SHOX: variants seen among roughly 807,000 people sequenced by gnomAD.
SHOX encodes the protein SHOX homeobox, also known as short stature homeobox protein.
Under a neutral mutation model 29.6 loss-of-function variants are expected in SHOX, and 12 were observed. That is an observed-to-expected ratio of 0.41 (90% CI 0.26 to 0.66). The LOEUF is 0.66. Ranked by LOEUF, SHOX falls within the 30% of genes least tolerant of loss-of-function variation. The pLI, the probability that SHOX is intolerant of heterozygous loss-of-function variation, is 0.35. For synonymous variants in SHOX, 214 were observed against 200.6 expected, an observed-to-expected ratio of 1.07 and a Z score of -0.57; for missense variants, 499 against 437.7, an observed-to-expected ratio of 1.14 and a Z score of -1.25.
intron 2 of SHOX, among the ~76,000 whole-genome samples, chrX:639,241 GA>G (rs1249224978): frequency 9.9e-5 from 15 of 152,224 alleles, no homozygotes; most frequent in East Asian, 7.7e-4. Flanking sequence ...GAAGTCCTTA[GA>G]GGGGCAGAAT....
intron 2 of SHOX, among the ~76,000 whole-genome samples, chrX:635,509 C>A (rs904837815): frequency 6.6e-6 from 1 of 152,136 alleles, no homozygotes; most frequent in African/African-American, 2.4e-5. Flanking sequence ...ACAAACCACC[C>A]CCTCCTCCCT....
intron 4 of SHOX, among the ~76,000 whole-genome samples, chrX:643,221 C>T (rs1289150109): frequency 2.8e-5 from 3 of 108,370 alleles, no homozygotes; most frequent in Admixed American, 1.1e-4. Context: ...GAGGCTTGGA[C>T]ACCTGGTGTC....
chrX:628,433 G>C (rs1347785875), upstream of SHOX, among the ~76,000 whole-genome samples: 11 of 75,642 alleles, frequency 1.5e-4, no homozygotes, highest in East Asian at 3.5e-4. Context: ...CTCTCTCCCT[G>C]TCTGTGTCTC....
intron 1 of SHOX, chrX:624,729 C>CTTTCTTTCTTTCT (rs2052474950): frequency 2.2e-5 from 3 of 136,546 alleles, no homozygotes; most frequent in Middle Eastern, 7.5e-3. Context: ...TTCTTTCTTT[C>CTTTCTTTCTTTCT]TTTCTTTCTT....
chrX:636,341 T>TATAAAC (rs1556463148), intron 2 of SHOX, among the ~76,000 whole-genome samples: 12 of 132,286 alleles, frequency 9.1e-5, no homozygotes, highest in Middle Eastern at 3.9e-3. Flanking sequence ...CATATAAACA[T>TATAAAC]ATATAAATAT....
Position 641,634 on chromosome X carries a change from C to T in SHOX, c.633+547C>T, listed in dbSNP as rs192329586. 3.3e-4 allele frequency among the ~76,000 whole-genome samples: 49 copies of T among 148,682 alleles called. No individual in the cohort carries two copies. The East Asian group carries it at 9.5e-3, about 29-fold the overall frequency. ...GGTGGAGGTTGCCGTGAGCCAATAT[C>T]GCGCCACTGCACTCCACTCTGGGTG... On this transcript the variant is annotated intron_variant, in intron 4 of 4. Transcript: ENST00000686671.
At chrX:629,877 C>G (rs1164601317), upstream of SHOX, among the ~76,000 whole-genome samples, 1 of 152,202 alleles carries the variant, frequency 6.6e-6, no homozygotes, top group Admixed American at 6.5e-5. Flanking sequence ...CATTCAATAG[C>G]GAGAGGCGGG....
At chrX:632,820 C>T (rs1277604831) in intron 1 of SHOX, among the ~76,000 whole-genome samples, 2 of 152,176 alleles carry the variant, frequency 1.3e-5, no homozygotes, top group Non-Finnish European at 2.9e-5. Context: ...TTCCTGGACG[C>T]AAGGCTGGGA....
upstream of SHOX, among the ~76,000 whole-genome samples, chrX:625,898 T>TC (rs2052523469): frequency 1.4e-5 from 2 of 144,500 alleles, no homozygotes; most frequent in East Asian, 2.1e-4. Context: ...CCTCTCTCTC[T>TC]TTCTCTGTCT....
At chrX:625,468 GTCTC>G (rs1008886823) in intron 1 of SHOX, among the ~76,000 whole-genome samples, 16 of 151,760 alleles carry the variant, frequency 1.1e-4, no homozygotes, top group Admixed American at 3.9e-4. Context: ...CTCTCTCGCT[GTCTC>G]TCTCTGTCTG....
At chrX:655,568 G>GTCTCTCTC (rs1228178183), downstream of SHOX, among the ~76,000 whole-genome samples, 4 of 87,854 alleles carry the variant, frequency 4.6e-5, no homozygotes, top group African/African-American at 1.8e-4. Context: ...CTCTCTCTCT[G>GTCTCTCTC]TCTCTCTCTC....
At chrX:652,340 AT>A (rs746162755), downstream of SHOX, among the ~76,000 whole-genome samples, 280 of 135,138 alleles carry the variant, frequency 2.1e-3, 2 homozygotes, top group South Asian at 0.015. Flanking sequence ...AAAATGACAA[AT>A]TTTTTTTTTT....
chrX:654,709 A>G (rs2053113377), downstream of SHOX, among the ~76,000 whole-genome samples: 1 of 152,136 alleles, frequency 6.6e-6, no homozygotes, highest in African/African-American at 2.4e-5. Context: ...TTTTTGAGAC[A>G]GAGTCTCGCT....
downstream of SHOX, among the ~76,000 whole-genome samples, chrX:652,485 A>G (rs2053081514): frequency 6.6e-6 from 1 of 151,696 alleles, no homozygotes; most frequent in Admixed American, 6.6e-5. Flanking sequence ...ACAGCTGCCC[A>G]CACAGGGTTC....
chrX:651,754 G>A (rs1192909091), downstream of SHOX, among the ~76,000 whole-genome samples: 1 of 151,088 alleles, frequency 6.6e-6, no homozygotes, highest in Non-Finnish European at 1.5e-5. Context: ...GCCTTAGATC[G>A]GGAGGTACCA....
In SHOX at chrX:644,510, G is replaced by T; in HGVS notation, c.753G>T (p.Ala251=). ...CGCCGCCCTTCGGGCTGCCCATCGC[G>T]TCGCTGGCCGAGTCCGCCTCGGCCG... The part of the protein sequence containing the change: ...FPPPPFGLPI[A]SLAESASAAA... The change falls in exon 5 of 5, where the codon GCG becomes GCT. Residue 251 remains alanine (A), a synonymous_variant. Transcript: ENST00000686671. 1.3e-6 allele frequency: 2 copies of T among 1,520,156 alleles called. No homozygotes were observed. The highest frequency in any genetic ancestry group is 1.8e-6 in the Non-Finnish European group (2 of 1,140,746). 94.2% of individuals were successfully genotyped at this position (1,520,156 alleles called of 1,614,324 possible).
At chrX:634,895 G>C in intron 2 of SHOX, 69 bp downstream of exon 2, 2 of 1,483,934 alleles carry the variant, frequency 1.3e-6, no homozygotes, top group Non-Finnish European at 1.8e-6. Context: ...CACAGCACGC[G>C]TACAGCCACC....
intron 1 of SHOX, among the ~76,000 whole-genome samples, chrX:633,476 C>T (rs148088353): frequency 0.03 from 4,179 of 139,272 alleles, 192 homozygotes; most frequent in African/African-American, 0.1. Flanking sequence ...CTGAATGTAG[C>T]TCGGGGTGGG....
chrX:650,542 A>G lies in SHOX; in HGVS notation c.*5906A>G, dbSNP rs912860792. ...CAAGCTCTGGTCAGGATGAAAGGGAAATACCAGAGTCCTCTGTCCTCGCCT... is the reference window on the plus strand; with the variant it reads ...CAAGCTCTGGTCAGGATGAAAGGGAGATACCAGAGTCCTCTGTCCTCGCCT... On this transcript the variant is annotated 3_prime_UTR_variant, in exon 5 of 5. Coordinates refer to ENST00000686671, the MANE Select transcript of SHOX (RefSeq NM_000451.4). Among the ~76,000 whole-genome samples the G allele has an allele frequency of 2.0e-5, 3 of 151,986 alleles. No individual in the cohort carries two copies. The highest frequency in any genetic ancestry group is 7.2e-5 in the African/African-American group (3 of 41,388).
Sources: gnomAD v4.1 joint callset for allele counts (sites outside exome capture counted in the v4.1 genomes callset) on GRCh38, gnomAD v4.1.1 for gene constraint, MANE v1.5 for transcripts, NCBI Gene and HGNC (gene_info 2026-07-23, HGNC 2026-07-21) for gene names.